Variants in DNAAF4 observed in about 807,000 individuals in gnomAD.
The protein encoded by DNAAF4 is dynein assembly factor 4, axonemal.
A neutral mutation model predicts 51.8 loss-of-function variants in DNAAF4; 43 were observed. The ratio of observed to expected loss-of-function variants is 0.83; its 90% CI spans 0.65 to 1.07. DNAAF4 has a LOEUF of 1.07. Ranked by LOEUF, DNAAF4 falls within the 50% of genes least tolerant of loss-of-function variation. The pLI is 0.00. For missense variants in DNAAF4, 581 were observed against 493.0 expected, an observed-to-expected ratio of 1.18 and a Z score of -1.69; for synonymous variants, 194 against 165.6, an observed-to-expected ratio of 1.17 and a Z score of -1.32.
intron 4 of DNAAF4, among the ~76,000 whole-genome samples, chr15:55,473,921 G>C (rs1567023876): frequency 6.6e-6 from 1 of 152,058 alleles, no homozygotes; most frequent in East Asian, 1.9e-4. Flanking sequence ...GAACCTGGGA[G>C]GTGGAGGTTG....
intron 4 of DNAAF4, among the ~76,000 whole-genome samples, chr15:55,487,629 G>A (rs576112850): frequency 6.6e-6 from 1 of 152,066 alleles, no homozygotes; most frequent in South Asian, 2.1e-4. Context: ...CTTAATTCCT[G>A]AACTCAGCAA....
At chr15:55,478,613 T>C (rs1244097946) in intron 4 of DNAAF4, among the ~76,000 whole-genome samples, 7 of 152,194 alleles carry the variant, frequency 4.6e-5, no homozygotes, top group Admixed American at 4.6e-4. Flanking sequence ...CAGCCCAATC[T>C]TGGGCCCTTG....
At chr15:55,448,870 A>G (rs1227955804) in intron 6 of DNAAF4, among the ~76,000 whole-genome samples, 4 of 151,556 alleles carry the variant, frequency 2.6e-5, no homozygotes. Context: ...ACTCCATCCC[A>G]CAAAATAATA....
At chr15:55,419,167 C>A (rs1212257228) in intron 7 of DNAAF4, among the ~76,000 whole-genome samples, 3 of 152,128 alleles carry the variant, frequency 2.0e-5, no homozygotes, top group African/African-American at 7.2e-5. Context: ...CCGCCTGCCT[C>A]GGCCACCCAA....
Position 55,498,869 on chromosome 15 carries a change from C to T in DNAAF4, c.-255-285G>A, listed in dbSNP as rs1248096714. Among the ~76,000 whole-genome samples the T allele has an allele frequency of 1.8e-4, 27 of 150,366 alleles. 1 individual carries two copies. Among genetic ancestry groups the T allele is most frequent in the Admixed American group, 1.6e-3 (24 of 15,038 alleles). ...GGGGTCGCAGTGAGCCGAAATCGCG[C>T]CATTGCACTCCAGCCTGGGAAACAA... is the stretch of plus-strand genomic sequence containing the variant. On this transcript the variant is annotated intron_variant, in intron 1 of 9. Coordinates refer to ENST00000321149, the MANE Select transcript of DNAAF4 (RefSeq NM_130810.4).
downstream of DNAAF4, among the ~76,000 whole-genome samples, chr15:55,427,692 A>G (rs1241689306): frequency 2.0e-5 from 3 of 150,134 alleles, no homozygotes; most frequent in East Asian, 5.9e-4. Flanking sequence ...CTGGAGTGCA[A>G]TGGCGCCACC....
rs138612968 is a variant in DNAAF4 at position 55,467,050 on chromosome 15, T to C, written c.517A>G (p.Lys173Glu). 2 of 1,557,534 alleles carry C rather than the reference T, an allele frequency of 1.3e-6. No individual in the cohort carries two copies. The highest frequency in any genetic ancestry group is 1.7e-6 in the Non-Finnish European group (2 of 1,153,576). ...AATTTCTCTTCTCTCTGAATTTTTT[T>C]TTGCTCCTCAGCTTTTCTTTGATAT... The part of the protein sequence containing the change: ...KEYQRKAEEQ[K>E]KIQREEKLCQ... Residue 173 changes from lysine to glutamate, a missense_variant, in exon 5 of 10, where the codon AAA (lysine) becomes GAA (glutamate). Physicochemically the swap from Lys to Glu is moderately conservative, Grantham distance 56. Transcript: ENST00000321149.
At chr15:55,447,585 C>T (rs187375222) in intron 6 of DNAAF4, among the ~76,000 whole-genome samples, 20 of 151,256 alleles carry the variant, frequency 1.3e-4, no homozygotes, top group East Asian at 9.8e-4. Flanking sequence ...GGAGACCAGC[C>T]GGGCCAACAG....
At chr15:55,488,513 G>A (rs767650400) in intron 4 of DNAAF4, among the ~76,000 whole-genome samples, 6 of 152,168 alleles carry the variant, frequency 3.9e-5, no homozygotes, top group South Asian at 2.1e-4. Context: ...CAAAGTAGAC[G>A]TTTGCTACGG....
downstream of DNAAF4, among the ~76,000 whole-genome samples, chr15:55,428,562 TC>T (rs1399066405): frequency 2.2e-5 from 3 of 133,842 alleles, no homozygotes; most frequent in African/African-American, 8.2e-5. Context: ...TGGCACAATC[TC>T]GGCTCACTGC....
chr15:55,438,266 GCT>G (rs2057649225), intron 7 of DNAAF4, among the ~76,000 whole-genome samples: 1 of 151,368 alleles, frequency 6.6e-6, no homozygotes, highest in Non-Finnish European at 1.5e-5. Context: ...CAGGAGAATC[GCT>G]TGAACCTGGG....
At position 55,492,165 on chromosome 15, in the gene DNAAF4, A is replaced by G. The variant is rs548958355; in HGVS notation, c.272-909T>C. Among the ~76,000 whole-genome samples the G allele has an allele frequency of 7.3e-5, 11 of 151,706 alleles. 1 individual carries two copies. The South Asian group carries it at 1.0e-3, about 14-fold the overall frequency. Reference sequence around the variant, plus strand: ...AGCCACCACGCAAGATCTCACAGTTATCTTTATATTTGATGTGGCCCAAAG... The same window carrying G: ...AGCCACCACGCAAGATCTCACAGTTGTCTTTATATTTGATGTGGCCCAAAG... On this transcript the variant is annotated intron_variant, in intron 3 of 9. Coordinates refer to ENST00000321149, the MANE Select transcript of DNAAF4 (RefSeq NM_130810.4).
chr15:55,491,709 AT>A lies in DNAAF4; in HGVS notation c.272-454del, dbSNP rs551077010. 3.4e-3 allele frequency among the ~76,000 whole-genome samples: 480 copies of A among 140,740 alleles called. 1 individual carries two copies. Among genetic ancestry groups the A allele is most frequent in the African/African-American group, 0.011 (434 of 38,382 alleles). 92.3% of individuals were successfully genotyped at this position (140,740 alleles called of 152,430 possible). ...TTATTATATAATAATATTATATACT[AT>A]TATTATATAATAGTATATAATATAA... On this transcript the variant is annotated intron_variant, in intron 3 of 9. Coordinates refer to ENST00000321149, the MANE Select transcript of DNAAF4 (RefSeq NM_130810.4).
chr15:55,456,361 C>T (rs1209383500), intron 5 of DNAAF4, among the ~76,000 whole-genome samples: 3 of 152,098 alleles, frequency 2.0e-5, no homozygotes, highest in East Asian at 1.9e-4. Context: ...GGATTACAGG[C>T]GTGAGCCACT....
intron 6 of DNAAF4, among the ~76,000 whole-genome samples, chr15:55,449,711 T>TTC (rs1361340264): frequency 2.0e-5 from 3 of 147,732 alleles, no homozygotes; most frequent in Non-Finnish European, 4.5e-5. Flanking sequence ...TTTTTTTTTT[T>TTC]TTTTTGATTC....
intron 4 of DNAAF4, among the ~76,000 whole-genome samples, chr15:55,480,559 AG>A (rs2058395455): frequency 6.6e-6 from 1 of 151,998 alleles, no homozygotes; most frequent in African/African-American, 2.4e-5. Context: ...TTGTTTACTT[AG>A]CCCCCGAGAT....
intron 6 of DNAAF4, among the ~76,000 whole-genome samples, chr15:55,439,804 T>C (rs2057678248): frequency 1.3e-5 from 2 of 152,042 alleles, no homozygotes; most frequent in Admixed American, 1.3e-4. Context: ...GAGGTTTAGG[T>C]CATGAGAGGA....
chr15:55,471,606 C>T (rs1295455212), intron 4 of DNAAF4, among the ~76,000 whole-genome samples: 6 of 151,770 alleles, frequency 4.0e-5, no homozygotes, highest in East Asian at 1.9e-4. Context: ...CTCCACCTCC[C>T]GGGTTCATGC....
chr15:55,439,712 C>T (rs1461082190), intron 6 of DNAAF4, 131 bp from the exon 7 acceptor site: 1 of 721,716 alleles, frequency 1.4e-6, no homozygotes, highest in African/African-American at 1.8e-5. Context: ...GTGTCTTCTC[C>T]ACCTCTCCTC....
Sources: allele counts gnomAD v4.1 joint callset (sites outside exome capture counted in the v4.1 genomes callset), GRCh38; gene constraint gnomAD v4.1.1; transcripts MANE v1.5; gene names NCBI Gene and HGNC (gene_info 2026-07-23, HGNC 2026-07-21).